The following RPTOR variants were observed in gnomAD, a reference collection of about 807,000 sequenced individuals.
RPTOR encodes regulatory associated protein of MTOR complex 1.
Under a neutral mutation model 169.9 loss-of-function variants are expected in RPTOR, and 21 were observed. The observed-to-expected ratio is 0.12, with a 90% CI of 0.09 to 0.18. The LOEUF is 0.18. RPTOR is among the 10% of genes least tolerant of loss of function. The pLI, the probability that RPTOR is intolerant of heterozygous loss-of-function variation, is 1.00. For synonymous variants in RPTOR, 732 were observed against 753.2 expected (o/e 0.97, Z 0.46); for missense variants, 1,133 against 1,855.9 (o/e 0.61, Z 7.16).
At chr17:80,864,067 G>C (rs2067952192) in intron 13 of RPTOR, among the ~76,000 whole-genome samples, 1 of 152,248 alleles carries the variant, frequency 6.6e-6, no homozygotes, top group African/African-American at 2.4e-5. Flanking sequence ...AAGGAGGCTA[G>C]CAGAAAAAGT....
At chr17:80,686,638 T>C (rs1460822385) in intron 3 of RPTOR, among the ~76,000 whole-genome samples, 1 of 152,144 alleles carries the variant, frequency 6.6e-6, no homozygotes, top group African/African-American at 2.4e-5. Context: ...TATCCATCTC[T>C]TAGAAAGGGC....
At chr17:80,660,965 C>T (rs552710298) in intron 3 of RPTOR, among the ~76,000 whole-genome samples, 4 of 152,356 alleles carry the variant, frequency 2.6e-5, no homozygotes, top group Non-Finnish European at 4.4e-5. Context: ...CACCCCCAGC[C>T]CAGCTGCCCT....
rs963759224 is a variant in RPTOR at position 80,754,582 on chromosome 17, A to G, written c.830+397A>G. Among the ~76,000 whole-genome samples the G allele has an allele frequency of 3.3e-5, 5 of 152,282 alleles. No homozygotes were observed. Among genetic ancestry groups the G allele is most frequent in the African/African-American group, 9.6e-5 (4 of 41,556 alleles). ...GCTTGAGTTGAAGCGTAATCTTTCA[A>G]TGTATTTTTAGCAATGAAAAAAGAG... On this transcript the variant is annotated intron_variant, in intron 6 of 33. Coordinates refer to ENST00000306801, the MANE Select transcript of RPTOR (RefSeq NM_020761.3). The surrounding 1 kb of genome is among the most constrained non-coding windows in gnomAD (Gnocchi z 4.2).
In RPTOR at chr17:80,956,222, G is replaced by GA. The variant is rs10536983; in HGVS notation, c.3371-1388dup. On this transcript the variant is annotated intron_variant, in intron 28 of 33. Coordinates refer to ENST00000306801, the MANE Select transcript of RPTOR (RefSeq NM_020761.3). ...TGTGTCTAAAATTATGCTTCTCTAT[G>GA]AAAAAAAAAAAAAAGAGCAAACAAT... Among the ~76,000 whole-genome samples the GA allele has an allele frequency of 5.0e-4, 74 of 146,538 alleles. 1 individual carries two copies. The highest frequency in any genetic ancestry group is 3.7e-3 in the South Asian group (17 of 4,638).
At chr17:80,825,123 CCT>C (rs1263179333) in intron 9 of RPTOR, among the ~76,000 whole-genome samples, 1 of 149,692 alleles carries the variant, frequency 6.7e-6, no homozygotes, top group South Asian at 2.1e-4. Flanking sequence ...CCACATCCCA[CCT>C]CTCTCTCTAG....
intron 24 of RPTOR, among the ~76,000 whole-genome samples, chr17:80,940,008 G>A (rs529534744): frequency 8.3e-4 from 127 of 152,306 alleles, no homozygotes; most frequent in African/African-American, 2.9e-3. Context: ...GACCAGCGAT[G>A]TGTTTTGTAG....
chr17:80,635,662 G>T (rs1307926525), intron 2 of RPTOR, among the ~76,000 whole-genome samples: 1 of 152,132 alleles, frequency 6.6e-6, no homozygotes, highest in African/African-American at 2.4e-5. Context: ...AGAGGGTATC[G>T]GGCAGAGGCA....
intron 17 of RPTOR, among the ~76,000 whole-genome samples, chr17:80,887,232 G>A (rs2068258383): frequency 6.6e-6 from 1 of 151,146 alleles, no homozygotes; most frequent in Admixed American, 6.6e-5. Flanking sequence ...GACTCTGGGG[G>A]GTGCCAGCTC....
At position 80,576,941 on chromosome 17, in the gene RPTOR, C is replaced by T. The variant is rs540601962; in HGVS notation, c.162+31150C>T. On this transcript the variant is annotated intron_variant, in intron 1 of 33. Coordinates refer to ENST00000306801, the MANE Select transcript of RPTOR (RefSeq NM_020761.3). ...CTTGTCTCGAACTCATGGGCTCAGG[C>T]GATCCACATACCTTGGCCTCCCAAA... 4.6e-5 allele frequency among the ~76,000 whole-genome samples: 7 copies of T among 152,138 alleles called. No homozygotes were observed. In the East Asian group the frequency reaches 7.7e-4, roughly 17 times the overall value.
At position 80,666,355 on chromosome 17, in the gene RPTOR, A is replaced by T. The variant is rs77600956; in HGVS notation, c.348+22545A>T. Reference sequence around the variant, plus strand: ...ATCAAGCCTGCTGCAGACACAGAAGATGGAGACTAGAAGAAGTGCTAGGAC... The same window carrying T: ...ATCAAGCCTGCTGCAGACACAGAAGTTGGAGACTAGAAGAAGTGCTAGGAC... On this transcript the variant is annotated intron_variant, in intron 3 of 33. Transcript: ENST00000306801. 1.4e-3 allele frequency among the ~76,000 whole-genome samples: 220 copies of T among 152,282 alleles called. 4 individuals carry two copies. In the East Asian group the frequency reaches 0.033, roughly 23 times the overall value.
chr17:80,816,471 C>T (rs2067324530), intron 7 of RPTOR, among the ~76,000 whole-genome samples: 1 of 152,206 alleles, frequency 6.6e-6, no homozygotes, highest in Non-Finnish European at 1.5e-5. Context: ...ACACGTTCCG[C>T]TTGAGCTGTG....
chr17:80,837,035 T>C (rs2067571498), intron 9 of RPTOR, among the ~76,000 whole-genome samples: 1 of 151,886 alleles, frequency 6.6e-6, no homozygotes, highest in African/African-American at 2.4e-5. Flanking sequence ...GCTGCAGCAG[T>C]GCGGCCCTGA....
intron 13 of RPTOR, among the ~76,000 whole-genome samples, chr17:80,875,217 C>T (rs958737944): frequency 7.9e-5 from 12 of 152,202 alleles, no homozygotes; most frequent in South Asian, 2.1e-4. Flanking sequence ...AAGCCCGCCC[C>T]GGCCTTACGG....
intron 7 of RPTOR, chr17:80,805,093 G>A (rs917677304): frequency 6.6e-6 from 1 of 151,474 alleles, no homozygotes; most frequent in Admixed American, 6.5e-5. Flanking sequence ...TTCACAGGAA[G>A]ACACAATTTA....
At chr17:80,773,846 G>T (rs2066867573) in intron 6 of RPTOR, 12 of 985,422 alleles carry the variant, frequency 1.2e-5, no homozygotes, top group African/African-American at 1.7e-5. Flanking sequence ...GGTGTGTTCA[G>T]TGTGTTCTGT....
At chr17:80,832,579 G>A (rs181362274) in intron 9 of RPTOR, among the ~76,000 whole-genome samples, 388 of 152,276 alleles carry the variant, frequency 2.5e-3, no homozygotes, top group African/African-American at 8.7e-3. Context: ...ACGCTCAGAC[G>A]GAGAACATTC....
chr17:80,577,963 G>C (rs536476253), intron 1 of RPTOR, among the ~76,000 whole-genome samples: 4 of 152,208 alleles, frequency 2.6e-5, no homozygotes, highest in African/African-American at 7.2e-5. Flanking sequence ...TGTGATGTGC[G>C]GCGCAGTCAA....
At chr17:80,896,988 C>T (rs1341454754) in intron 20 of RPTOR, among the ~76,000 whole-genome samples, 4 of 152,212 alleles carry the variant, frequency 2.6e-5, no homozygotes, top group Non-Finnish European at 4.4e-5. Flanking sequence ...GGGCTGGGCA[C>T]GGTCCCTCAC....
At chr17:80,688,307 G>A (rs1431734227) in intron 3 of RPTOR, among the ~76,000 whole-genome samples, 2 of 152,154 alleles carry the variant, frequency 1.3e-5, no homozygotes, top group Non-Finnish European at 2.9e-5. Flanking sequence ...CCGAAGAAAC[G>A]GAGGCACAAA....
Sources: allele counts gnomAD v4.1 joint callset (sites outside exome capture counted in the v4.1 genomes callset), GRCh38; gene constraint gnomAD v4.1.1; non-coding constraint Gnocchi (gnomAD v3.1); transcripts MANE v1.5; gene names NCBI Gene and HGNC (gene_info 2026-07-23, HGNC 2026-07-21).